PCDHA8: variants seen among roughly 807,000 people sequenced by gnomAD.
PCDHA8 encodes the protein protocadherin alpha 8.
Under a neutral mutation model 61.8 loss-of-function variants are expected in PCDHA8, and 53 were observed. That is an observed-to-expected ratio of 0.86 (90% CI 0.69 to 1.08). The LOEUF is 1.08. PCDHA8 is among the 50% of genes least tolerant of loss of function. The pLI is 0.00. For synonymous variants in PCDHA8, 618 were observed against 556.6 expected (o/e 1.11, Z -1.55); for missense variants, 1,293 against 1,245.0 (o/e 1.04, Z -0.58).
At chr5:140,876,894 C>G in intron 1 of PCDHA8, 2 of 1,614,132 alleles carry the variant, frequency 1.2e-6, no homozygotes, top group Non-Finnish European at 1.7e-6. Context: ...GCTGCCACAT[C>G]TTCACGGTGT....
intron 1 of PCDHA8, chr5:140,869,203 T>C: frequency 6.2e-7 from 1 of 1,614,000 alleles, no homozygotes; most frequent in Non-Finnish European, 8.5e-7. Flanking sequence ...GCTCCACTAC[T>C]CCGTCTCGGA....
chr5:140,999,015 C>G (rs2097843117), intron 3 of PCDHA8, among the ~76,000 whole-genome samples: 1 of 152,280 alleles, frequency 6.6e-6, no homozygotes, highest in East Asian at 1.9e-4. Context: ...GATTTGAACC[C>G]AAGACTTTTG....
At chr5:140,961,548 T>G (rs2095620507) in intron 1 of PCDHA8, among the ~76,000 whole-genome samples, 2 of 152,230 alleles carry the variant, frequency 1.3e-5, no homozygotes, top group Non-Finnish European at 2.9e-5. Flanking sequence ...CCTGCAGCAT[T>G]TCTTTTTTTA....
At chr5:140,902,257 C>T (rs1450183542) in intron 1 of PCDHA8, among the ~76,000 whole-genome samples, 2 of 140,176 alleles carry the variant, frequency 1.4e-5, no homozygotes, top group South Asian at 2.2e-4. Context: ...AGGCTGGTCT[C>T]GAACTCCTGG....
Position 140,884,687 on chromosome 5 carries a change from T to C in PCDHA8, c.2394+40972T>C, listed in dbSNP as rs782253030. The C allele has an allele frequency of 4.6e-6, 7 of 1,538,230 alleles. No homozygotes were observed. In the South Asian group the frequency reaches 8.8e-5, roughly 19 times the overall value. On this transcript the variant is annotated intron_variant, in intron 1 of 3. Coordinates refer to ENST00000531613, the MANE Select transcript of PCDHA8 (RefSeq NM_018911.3). ...GGTAAGCTTATATTTTAAAAAATTGTCTTAGTAAACACTTTAGCCTTCCTT... is the reference window on the plus strand; with the variant it reads ...GGTAAGCTTATATTTTAAAAAATTGCCTTAGTAAACACTTTAGCCTTCCTT...
intron 1 of PCDHA8, among the ~76,000 whole-genome samples, chr5:140,907,247 T>C (rs1328809549): frequency 1.3e-5 from 2 of 152,216 alleles, no homozygotes; most frequent in Non-Finnish European, 2.9e-5. Context: ...GACATTGTAA[T>C]TGTGACTTCA....
intron 1 of PCDHA8, chr5:140,850,690 G>C (rs2150494322): frequency 3.8e-6 from 6 of 1,598,286 alleles, no homozygotes; most frequent in Admixed American, 1.7e-5. Flanking sequence ...GAGGGCGAGT[G>C]CGCGCCTGGC....
chr5:140,970,854 T>TC (rs112843531), intron 1 of PCDHA8, among the ~76,000 whole-genome samples: 13,960 of 152,238 alleles, frequency 0.092, 852 homozygotes, highest in African/African-American at 0.17. Context: ...GCACAAAAGT[T>TC]CCATTCCTGA....
At chr5:140,916,832 G>A (rs1286597127) in intron 1 of PCDHA8, among the ~76,000 whole-genome samples, 3 of 152,104 alleles carry the variant, frequency 2.0e-5, no homozygotes, top group East Asian at 1.9e-4. Context: ...TATCCCTCTG[G>A]TTCTGAGCCC....
chr5:140,909,620 A>C (rs576090849), intron 1 of PCDHA8, among the ~76,000 whole-genome samples: 1 of 152,122 alleles, frequency 6.6e-6, no homozygotes. Flanking sequence ...GGCAGCTCTA[A>C]TTGGTCTTCC....
At chr5:140,934,636 G>A (rs782329021) in intron 1 of PCDHA8, among the ~76,000 whole-genome samples, 17 of 151,974 alleles carry the variant, frequency 1.1e-4, no homozygotes, top group Non-Finnish European at 1.9e-4. Flanking sequence ...CACAGGAAAG[G>A]CAGGATAAAT....
chr5:140,851,237 G>A (rs782702575), intron 1 of PCDHA8: 5 of 1,101,536 alleles, frequency 4.5e-6, no homozygotes, highest in African/African-American at 1.6e-5. Context: ...TTTATTTATT[G>A]CTAAATGATG....
chr5:140,924,105 C>T lies in PCDHA8; in HGVS notation c.2395-54844C>T, dbSNP rs140580566. ...AGGCAGAAAGAATAAATTTTCATTC[C>T]AAAGCAGTTAGCTTGCTTAGCAGCA... is the stretch of plus-strand genomic sequence containing the variant. On this transcript the variant is annotated intron_variant, in intron 1 of 3. Coordinates refer to ENST00000531613, the MANE Select transcript of PCDHA8 (RefSeq NM_018911.3). Among the ~76,000 whole-genome samples the T allele has an allele frequency of 8.5e-5, 13 of 152,262 alleles. No homozygotes were observed. The East Asian group carries it at 2.5e-3, about 29-fold the overall frequency.
intron 1 of PCDHA8, among the ~76,000 whole-genome samples, chr5:140,936,094 T>C (rs2090766117): frequency 6.6e-6 from 1 of 152,116 alleles, no homozygotes; most frequent in South Asian, 2.1e-4. Flanking sequence ...GGTTTCACCA[T>C]GTTGGCCAGG....
At chr5:140,862,185 A>G (rs561305480) in intron 1 of PCDHA8, 1 of 166,788 alleles carries the variant, frequency 6.0e-6, no homozygotes, top group South Asian at 1.6e-4. Flanking sequence ...TGACACAGGC[A>G]ATTCCCCAAT....
chr5:140,912,164 CT>C (rs1281307479), intron 1 of PCDHA8, among the ~76,000 whole-genome samples: 1 of 152,158 alleles, frequency 6.6e-6, no homozygotes, highest in Non-Finnish European at 1.5e-5. Flanking sequence ...TTTATTCTGG[CT>C]GTGCTGGCAG....
At chr5:140,975,068 C>T (rs1273763502) in intron 1 of PCDHA8, among the ~76,000 whole-genome samples, 4 of 152,134 alleles carry the variant, frequency 2.6e-5, no homozygotes, top group African/African-American at 9.7e-5. Flanking sequence ...CGAGCTCATT[C>T]AGATTGTTGG....
intron 2 of PCDHA8, among the ~76,000 whole-genome samples, chr5:140,982,082 C>G (rs188673632): frequency 6.6e-6 from 1 of 152,276 alleles, no homozygotes; most frequent in Admixed American, 6.5e-5. Flanking sequence ...AGTAGAGAAC[C>G]TAGGAACAAG....
chr5:140,884,824 T>A, intron 1 of PCDHA8: 1 of 993,590 alleles, frequency 1.0e-6, no homozygotes, highest in Non-Finnish European at 1.4e-6. Context: ...ACATTATGTG[T>A]TGGATTATCC....
Sources: allele counts gnomAD v4.1 joint callset (sites outside exome capture counted in the v4.1 genomes callset), GRCh38; gene constraint gnomAD v4.1.1; transcripts MANE v1.5; gene names NCBI Gene and HGNC (gene_info 2026-07-23, HGNC 2026-07-21).